Variants in DNAH8 observed in about 807,000 individuals in gnomAD.
DNAH8 encodes axonemal beta dynein heavy chain 8.
DNAH8 carries 382 observed loss-of-function variants against 562.1 expected under a neutral mutation model. The observed-to-expected ratio is 0.68, with a 90% CI of 0.63 to 0.74. The LOEUF is 0.74. Ranked by LOEUF, DNAH8 falls within the 30% of genes least tolerant of loss-of-function variation. The probability of loss-of-function intolerance (pLI) is 0.00; values close to 1 mark genes in which losing one functional copy is unlikely to be tolerated. For missense variants in DNAH8, 5,203 were observed against 5,620.4 expected (o/e 0.93, Z 2.37); for synonymous variants, 1,881 against 1,919.4 (o/e 0.98, Z 0.52).
chr6:38,788,098 T>C (rs1380742668), intron 18 of DNAH8, among the ~76,000 whole-genome samples: 1 of 152,008 alleles, frequency 6.6e-6, no homozygotes, highest in Non-Finnish European at 1.5e-5. Flanking sequence ...ATTCCTGTGG[T>C]ACAACATTTA....
chr6:38,847,058 A>G (rs1175870708), intron 36 of DNAH8, among the ~76,000 whole-genome samples: 2 of 152,078 alleles, frequency 1.3e-5, no homozygotes, highest in East Asian at 3.8e-4. Context: ...TACCTGCTGG[A>G]TCCCTAGGAC....
Position 38,828,191 on chromosome 6 carries a change from A to C in DNAH8, c.4091A>C (p.Tyr1364Ser), listed in dbSNP as rs775119197. The C allele has an allele frequency of 6.3e-7, 1 of 1,586,624 alleles. No homozygotes were observed. The highest frequency in any genetic ancestry group is 2.3e-5 in the East Asian group (1 of 43,824). The change falls in exon 30 of 93, where the codon TAT becomes TCT. Residue 1364 changes from tyrosine (Y) to serine (S), a missense_variant. This residue lies in a region of DNAH8 where 2,176 missense variants were observed against 2,365.1 expected (regional missense o/e 0.92). Coordinates refer to ENST00000327475, the MANE Select transcript of DNAH8 (RefSeq NM_001206927.2). ...TCCACCTTCATCCTGCAGGAAGCCT[A>C]TGCTATTTTAAACAGATTTGAAGTT... ...DMTLGPIEEA[Y>S]AILNRFEVEV... is the part of the protein sequence containing the mutation.
At chr6:38,918,283 C>G in intron 70 of DNAH8, 143 bp downstream of exon 70, 2 of 580,730 alleles carry the variant, frequency 3.4e-6, no homozygotes, top group Non-Finnish European at 5.9e-6. Context: ...TCTCTATGTC[C>G]TCTCAAAGTT....
At chr6:38,785,840 CATT>C (rs2127647351) in intron 17 of DNAH8, among the ~76,000 whole-genome samples, 1 of 152,276 alleles carries the variant, frequency 6.6e-6, no homozygotes, top group East Asian at 1.9e-4. Flanking sequence ...AAACCTGCAT[CATT>C]AAGGGCCATA....
At position 38,856,553 on chromosome 6, in the gene DNAH8, T is replaced by C. The variant is rs542202689; in HGVS notation, c.5734-965T>C. On this transcript the variant is annotated intron_variant, in intron 41 of 92. Transcript: ENST00000327475. ...GACCATCATCTGCTGCTGACCAGAA[T>C]CTGCTTGCTCTTGGGGGGCTTTCTG... Among the ~76,000 whole-genome samples the C allele has an allele frequency of 2.3e-3, 354 of 152,248 alleles. 1 individual carries two copies. The highest frequency in any genetic ancestry group is 7.9e-3 in the African/African-American group (330 of 41,552).
intron 47 of DNAH8, among the ~76,000 whole-genome samples, chr6:38,867,229 A>ATGTGTG (rs1471483350): frequency 3.4e-5 from 3 of 88,522 alleles, no homozygotes; most frequent in Admixed American, 1.2e-4. Context: ...TGGTGTGTGT[A>ATGTGTG]TATGTGTGTG....
intron 33 of DNAH8, 82 bp from the exon 34 acceptor site, chr6:38,842,286 A>G: frequency 3.5e-6 from 4 of 1,132,268 alleles, no homozygotes; most frequent in Non-Finnish European, 5.1e-6. Flanking sequence ...GAAATATTTG[A>G]TTGGATGAAC....
At position 38,923,083 on chromosome 6, in the gene DNAH8, G is replaced by A; in HGVS notation, c.10688G>A (p.Cys3563Tyr). Residue 3563 changes from cysteine (C) to tyrosine (Y), a missense_variant, in exon 72 of 93, where the codon TGC (cysteine) becomes TAC (tyrosine). Physicochemically the swap from Cys to Tyr is radical, Grantham distance 194. Transcript: ENST00000327475. ...GATTTGCTTAATGACGCTGATACGTGCCGGAAAAAGATGCAGGCCGCCTCC... is the reference window on the plus strand; with the variant it reads ...GATTTGCTTAATGACGCTGATACGTACCGGAAAAAGATGCAGGCCGCCTCC... ...KMDLLNDADTCRKKMQAASTL... is the reference protein window; with the variant it reads ...KMDLLNDADTYRKKMQAASTL... 2 of 1,613,518 alleles carry A rather than the reference G, an allele frequency of 1.2e-6. No individual in the cohort carries two copies. The highest frequency in any genetic ancestry group is 1.1e-5 in the South Asian group (1 of 91,028).
At chr6:38,810,203 G>A (rs778050070) in intron 24 of DNAH8, among the ~76,000 whole-genome samples, 2 of 151,972 alleles carry the variant, frequency 1.3e-5, no homozygotes, top group Non-Finnish European at 2.9e-5. Context: ...TGTTGTCTTT[G>A]CGGTGGATAA....
At chr6:38,882,068 G>A (rs1778539140) in intron 53 of DNAH8, among the ~76,000 whole-genome samples, 1 of 152,166 alleles carries the variant, frequency 6.6e-6, no homozygotes, top group African/African-American at 2.4e-5. Context: ...AACAGATGCT[G>A]GAGAGGTTGT....
At position 38,917,233 on chromosome 6, in the gene DNAH8, A is replaced by G; in HGVS notation, c.10141-6A>G. 1 of 1,559,834 alleles carries G rather than the reference A, an allele frequency of 6.4e-7. No homozygotes were observed. The highest frequency in any genetic ancestry group is 8.6e-7 in the Non-Finnish European group (1 of 1,160,428). On this transcript the variant is annotated splice_region_variant and splice_polypyrimidine_tract_variant and intron_variant, in intron 68 of 92. Coordinates refer to ENST00000327475, the MANE Select transcript of DNAH8 (RefSeq NM_001206927.2). ...ACAAAATATTGATCCTTAATCCCAA[A>G]TATAGACTATCAAGCCAAATGATAT...
intron 91 of DNAH8, among the ~76,000 whole-genome samples, chr6:39,020,028 A>G (rs1226070986): frequency 1.3e-5 from 2 of 152,278 alleles, no homozygotes; most frequent in Admixed American, 6.5e-5. Flanking sequence ...TTTGCGAGAG[A>G]GGGGAGAAGT....
At chr6:38,721,136 A>C (rs907595846) in intron 1 of DNAH8, among the ~76,000 whole-genome samples, 2 of 152,082 alleles carry the variant, frequency 1.3e-5, no homozygotes, top group African/African-American at 4.8e-5. Flanking sequence ...ACAGAGTGAA[A>C]CCCTGTCTCT....
At chr6:38,848,008 T>C in intron 36 of DNAH8, among the ~76,000 whole-genome samples, 1 of 152,070 alleles carries the variant, frequency 6.6e-6, no homozygotes, top group South Asian at 2.1e-4. Context: ...TGTAATTCTC[T>C]CTCTGTGGGT....
chr6:38,923,544 G>A (rs1781880396), intron 72 of DNAH8: 1 of 174,910 alleles, frequency 5.7e-6, no homozygotes, highest in Non-Finnish European at 1.2e-5. Flanking sequence ...TCTTCTGCTG[G>A]TGTCTGTTGG....
Position 38,867,976 on chromosome 6 carries a change from A to T in DNAH8, c.6694-86A>T, listed in dbSNP as rs1222449422. ...CAAAACTATCCCATATAAGTATCAG[A>T]ATCGACCTATATGCATAGAGTGAGC... On this transcript the variant is annotated intron_variant, in intron 47 of 92. Transcript: ENST00000327475. The T allele has an allele frequency of 1.7e-5, 23 of 1,350,942 alleles. No homozygotes were observed. In the South Asian group the frequency reaches 3.1e-4, roughly 18 times the overall value. The allele number at this position is 1,350,942 out of a possible 1,614,324, so 83.7% of individuals were successfully genotyped here. A position where few individuals can be genotyped will look rare whatever the true frequency, so the allele number is the denominator to read the frequency against.
Position 38,791,617 on chromosome 6 carries a change from G to A in DNAH8, c.2844G>A (p.Leu948=). ...TVLKEIAKTV[L]ISLPESGATK... ...TGAAGGAGATAGCCAAAACTGTGTTGATTTCTCTGCCTGAAAGTGGTGCTA... is the reference window on the plus strand; with the variant it reads ...TGAAGGAGATAGCCAAAACTGTGTTAATTTCTCTGCCTGAAAGTGGTGCTA... Residue 948 remains leucine, a synonymous_variant, in exon 21 of 93, where the codon TTG becomes TTA. Transcript: ENST00000327475. The A allele has an allele frequency of 1.9e-6, 3 of 1,613,892 alleles. No homozygotes were observed. The highest frequency in any genetic ancestry group is 2.5e-6 in the Non-Finnish European group (3 of 1,179,908).
chr6:38,967,799 A>C (rs1004528028), intron 82 of DNAH8, among the ~76,000 whole-genome samples: 1 of 152,176 alleles, frequency 6.6e-6, no homozygotes, highest in African/African-American at 2.4e-5. Flanking sequence ...ATGGAAATTC[A>C]TGGGACCCAA....
chr6:38,882,045 A>G (rs1778537090), intron 53 of DNAH8, among the ~76,000 whole-genome samples: 3 of 152,144 alleles, frequency 2.0e-5, no homozygotes, highest in Non-Finnish European at 4.4e-5. Flanking sequence ...TTAAAAGCCA[A>G]TTTACAAAAA....
Sources: allele counts gnomAD v4.1 joint callset (sites outside exome capture counted in the v4.1 genomes callset), GRCh38; gene constraint gnomAD v4.1.1; regional missense constraint gnomAD v4.1.1; transcripts MANE v1.5; gene names NCBI Gene and HGNC (gene_info 2026-07-23, HGNC 2026-07-21).